MSI2: variants seen among roughly 807,000 people sequenced by gnomAD.
MSI2 encodes the protein musashi RNA binding protein 2.
A neutral mutation model predicts 45.6 loss-of-function variants in MSI2; 17 were observed. That is an observed-to-expected ratio of 0.37 (90% CI 0.26 to 0.56). The LOEUF is 0.56. Ranked by LOEUF, MSI2 falls within the 20% of genes least tolerant of loss-of-function variation. MSI2 has a pLI of 0.77. For missense variants in MSI2, 293 were observed against 444.2 expected, an observed-to-expected ratio of 0.66 and a Z score of 3.06; for synonymous variants, 156 against 158.2, an observed-to-expected ratio of 0.99 and a Z score of 0.11.
At chr17:57,513,885 T>C (rs1261573507) in intron 6 of MSI2, among the ~76,000 whole-genome samples, 3 of 152,288 alleles carry the variant, frequency 2.0e-5, no homozygotes, top group South Asian at 4.1e-4. Flanking sequence ...AGCTGAGTAG[T>C]TGAGGAGCAG....
At chr17:57,452,268 T>TCTCCACCAGGAGAGCAGGGAGCCTC (rs1292411217) in intron 6 of MSI2, among the ~76,000 whole-genome samples, 1 of 152,180 alleles carries the variant, frequency 6.6e-6, no homozygotes, top group East Asian at 1.9e-4. Context: ...CCTCTTCTCT[T>TCTCCACCAGGAGAGCAGGGAGCCTC]CTCCACCAGG....
At chr17:57,668,383 G>A (rs1029117799) in intron 11 of MSI2, among the ~76,000 whole-genome samples, 1 of 152,134 alleles carries the variant, frequency 6.6e-6, no homozygotes, top group African/African-American at 2.4e-5. Flanking sequence ...CAGAAGCCAA[G>A]ATCTTTCTAC....
chr17:57,310,647 C>T (rs1912320019), intron 5 of MSI2, among the ~76,000 whole-genome samples: 1 of 152,196 alleles, frequency 6.6e-6, no homozygotes, highest in Non-Finnish European at 1.5e-5. Flanking sequence ...TTTGTACTTG[C>T]AGCACAGGAA....
intron 7 of MSI2, among the ~76,000 whole-genome samples, chr17:57,558,434 G>C (rs918622979): frequency 2.0e-5 from 3 of 152,148 alleles, no homozygotes; most frequent in African/African-American, 7.2e-5. Context: ...GGTCAGGAGG[G>C]TTTGCACCTC....
intron 7 of MSI2, among the ~76,000 whole-genome samples, chr17:57,562,538 G>T (rs1301355888): frequency 1.3e-5 from 2 of 152,210 alleles, no homozygotes; most frequent in Admixed American, 6.5e-5. Context: ...GCGACAGTGG[G>T]TCCCAGCTCT....
intron 8 of MSI2, among the ~76,000 whole-genome samples, chr17:57,609,849 C>G (rs1907054000): frequency 6.6e-6 from 1 of 152,210 alleles, no homozygotes; most frequent in African/African-American, 2.4e-5. Flanking sequence ...GGGTGTAACG[C>G]AGGGCCACAG....
At chr17:57,581,176 C>A (rs1480310104) in intron 7 of MSI2, among the ~76,000 whole-genome samples, 1 of 151,954 alleles carries the variant, frequency 6.6e-6, no homozygotes, top group Admixed American at 6.6e-5. Flanking sequence ...CCACGCCTGG[C>A]TAATTTTTGT....
At chr17:57,434,813 C>T (rs11654174) in intron 6 of MSI2, among the ~76,000 whole-genome samples, 33,484 of 151,654 alleles carry the variant, frequency 0.22, 4,016 homozygotes, top group South Asian at 0.3. Context: ...CATCGATGGG[C>T]ACTTAATTTG....
At chr17:57,434,937 G>A (rs147673015) in intron 6 of MSI2, among the ~76,000 whole-genome samples, 278 of 152,238 alleles carry the variant, frequency 1.8e-3, no homozygotes, top group Middle Eastern at 6.8e-3. Context: ...GATATAAGAT[G>A]GACAAGACTC....
chr17:57,402,144 T>C (rs796604911), intron 6 of MSI2, among the ~76,000 whole-genome samples: 9 of 152,110 alleles, frequency 5.9e-5, no homozygotes, highest in African/African-American at 2.2e-4. Flanking sequence ...TCACCGTGGG[T>C]GAGGTGTTTA....
intron 6 of MSI2, among the ~76,000 whole-genome samples, chr17:57,482,374 G>C (rs1035832692): frequency 1.3e-5 from 2 of 152,194 alleles, no homozygotes; most frequent in African/African-American, 2.4e-5. Context: ...AAAACTGCCT[G>C]CCGACAGCCA....
intron 5 of MSI2, among the ~76,000 whole-genome samples, chr17:57,350,225 G>GGGGTGTGTGTGTGT (rs368655017): frequency 2.7e-5 from 4 of 146,636 alleles, no homozygotes; most frequent in Admixed American, 6.8e-5. Flanking sequence ...CAGAGGTAGG[G>GGGGTGTGTGTGTGT]GTGTGTGTGT....
At chr17:57,371,567 AC>A (rs60742405) in intron 5 of MSI2, among the ~76,000 whole-genome samples, 12,653 of 150,740 alleles carry the variant, frequency 0.084, 655 homozygotes, top group Non-Finnish European at 0.12. Flanking sequence ...ACACACACAC[AC>A]ACAAATCATT....
chr17:57,390,854 G>A (rs773132508), intron 5 of MSI2, among the ~76,000 whole-genome samples: 1 of 152,146 alleles, frequency 6.6e-6, no homozygotes, highest in African/African-American at 2.4e-5. Flanking sequence ...TGGTGTATCC[G>A]AGGGTCTGTA....
intron 5 of MSI2, chr17:57,267,207 GGT>G (rs1440194711): frequency 6.6e-6 from 1 of 152,340 alleles, no homozygotes; most frequent in African/African-American, 2.4e-5. Flanking sequence ...AGGATGTGGT[GGT>G]GTGTCTGCAG....
chr17:57,297,178 G>GTT (rs200926325), intron 5 of MSI2, among the ~76,000 whole-genome samples: 4 of 134,780 alleles, frequency 3.0e-5, no homozygotes, highest in Admixed American at 7.5e-5. Context: ...GCTGGGCCCA[G>GTT]TTTTTTTTTG....
chr17:57,643,446 C>T (rs974139091), intron 10 of MSI2, among the ~76,000 whole-genome samples: 2 of 152,230 alleles, frequency 1.3e-5, no homozygotes, highest in African/African-American at 2.4e-5. Context: ...TCTCCCTACT[C>T]CTGGTCCTCT....
chr17:57,369,227 C>T (rs1161341324), intron 5 of MSI2, among the ~76,000 whole-genome samples: 1 of 152,150 alleles, frequency 6.6e-6, no homozygotes, highest in Non-Finnish European at 1.5e-5. Context: ...CAGGGTTATG[C>T]CACCCTGTCA....
intron 7 of MSI2, among the ~76,000 whole-genome samples, chr17:57,549,169 G>A (rs1379473127): frequency 2.0e-5 from 3 of 152,162 alleles, no homozygotes; most frequent in South Asian, 4.1e-4. Context: ...GCCGCCGGGC[G>A]CCGGCCGACA....
Sources: allele counts gnomAD v4.1 joint callset (sites outside exome capture counted in the v4.1 genomes callset), GRCh38; gene constraint gnomAD v4.1.1; transcripts MANE v1.5; gene names NCBI Gene and HGNC (gene_info 2026-07-23, HGNC 2026-07-21).